SVOP: variants seen among roughly 807,000 people sequenced by gnomAD.
SVOP encodes SV2 related protein, also known as synaptic vesicle 2-related protein.
In SVOP, 17 loss-of-function variants were observed where a neutral mutation model predicts 69.1. That is an observed-to-expected ratio of 0.25 (90% CI 0.17 to 0.37). SVOP has a LOEUF of 0.37. Ranked by LOEUF, SVOP falls within the 10% of genes least tolerant of loss-of-function variation. The pLI, the probability that SVOP is intolerant of heterozygous loss-of-function variation, is 1.00. For missense variants in SVOP, 435 were observed against 597.5 expected, an observed-to-expected ratio of 0.73 and a Z score of 2.84; for synonymous variants, 238 against 238.6, an observed-to-expected ratio of 1.00 and a Z score of 0.02.
intron 1 of SVOP, among the ~76,000 whole-genome samples, chr12:108,995,737 C>G (rs893531543): frequency 6.6e-6 from 1 of 151,886 alleles, no homozygotes; most frequent in African/African-American, 2.4e-5. Flanking sequence ...CCTGTCTCTA[C>G]TGAAAATACA....
chr12:108,949,715 T>A (rs1174121641), intron 6 of SVOP, among the ~76,000 whole-genome samples: 1 of 151,816 alleles, frequency 6.6e-6, no homozygotes, highest in African/African-American at 2.4e-5. Context: ...TTTTTTTTCT[T>A]AACATACACA....
chr12:108,964,069 T>G (rs1195555488), intron 5 of SVOP, among the ~76,000 whole-genome samples: 1 of 152,050 alleles, frequency 6.6e-6, no homozygotes, highest in East Asian at 1.9e-4. Context: ...AGAAAGTTAT[T>G]CAGGTCCGGG....
rs1355097891 is a variant in SVOP at position 108,911,285 on chromosome 12, G to A, written c.*1250C>T. ...GGAATCCTGGTCCCCTGATCCCCAT[G>A]GGATGAGATGGTGGGTGTAGCATCC... On this transcript the variant is annotated 3_prime_UTR_variant, in exon 16 of 16. Transcript: ENST00000610966. 6.6e-6 allele frequency: 1 copy of A among 152,266 alleles called. No homozygotes were observed. The highest frequency in any genetic ancestry group is 1.5e-5 in the Non-Finnish European group (1 of 68,064). 9.4% of individuals were successfully genotyped at this position (152,266 alleles called of 1,614,324 possible).
chr12:108,963,590 C>T (rs560231294), intron 5 of SVOP, among the ~76,000 whole-genome samples: 2 of 152,192 alleles, frequency 1.3e-5, no homozygotes, highest in Non-Finnish European at 2.9e-5. Flanking sequence ...TGGGTTCAAG[C>T]GATTCTCCTG....
intron 8 of SVOP, 25 bp from the exon 9 acceptor site, chr12:108,938,980 C>G: frequency 6.2e-7 from 1 of 1,613,738 alleles, no homozygotes; most frequent in Non-Finnish European, 8.5e-7. Context: ...ACAGGAAACC[C>G]AGGCGTGGCT....
intron 1 of SVOP, among the ~76,000 whole-genome samples, chr12:109,019,873 A>G: frequency 6.6e-6 from 1 of 152,248 alleles, no homozygotes; most frequent in East Asian, 1.9e-4. Context: ...AGTAGATTAT[A>G]GAAAAAAATA....
rs1459739018 is a variant in SVOP, at chr12:109,020,979, C to T, written c.-111G>A. ...AGCTGGACAGCACCCGCGCCGCTTC[C>T]TCCCTGGAGCAGCAGCTGTTCGGGG... On this transcript the variant is annotated 5_prime_UTR_variant, in exon 1 of 16. Coordinates refer to ENST00000610966, the MANE Select transcript of SVOP (RefSeq NM_018711.5). 9 of 630,352 alleles carry T rather than the reference C, an allele frequency of 1.4e-5. No homozygotes were observed. The highest frequency in any genetic ancestry group is 2.4e-5 in the Non-Finnish European group (8 of 339,904). The allele number at this position is 630,352 out of a possible 1,614,324, so 39.0% of individuals were successfully genotyped here.
At chr12:108,997,802 C>T (rs540035924) in intron 1 of SVOP, among the ~76,000 whole-genome samples, 123 of 151,684 alleles carry the variant, frequency 8.1e-4, no homozygotes, top group African/African-American at 2.8e-3. Context: ...ACACCAAAAA[C>T]CCATCTGTAC....
At chr12:108,981,609 C>T (rs2040135613) in intron 2 of SVOP, among the ~76,000 whole-genome samples, 1 of 152,186 alleles carries the variant, frequency 6.6e-6, no homozygotes, top group African/African-American at 2.4e-5. Flanking sequence ...TGGCTAATTC[C>T]TAGCTGTATA....
At chr12:108,935,548 T>A (rs747084235) in intron 10 of SVOP, among the ~76,000 whole-genome samples, 12 of 152,332 alleles carry the variant, frequency 7.9e-5, no homozygotes, top group Middle Eastern at 3.4e-3. Context: ...CTCTTAGGAA[T>A]TCGGGGCAGA....
At chr12:108,931,927 T>C (rs923100552) in intron 11 of SVOP, among the ~76,000 whole-genome samples, 3 of 152,170 alleles carry the variant, frequency 2.0e-5, no homozygotes, top group African/African-American at 7.2e-5. Flanking sequence ...ACATTAGAAT[T>C]ATTGCTCAGG....
At chr12:109,013,496 T>C (rs1179999309) in intron 1 of SVOP, among the ~76,000 whole-genome samples, 2 of 152,076 alleles carry the variant, frequency 1.3e-5, no homozygotes, top group Non-Finnish European at 1.5e-5. Flanking sequence ...GTTCAAGTGA[T>C]TCTTATGCCT....
At position 108,977,482 on chromosome 12, in the gene SVOP, C is replaced by G; in HGVS notation, c.297G>C (p.Met99Ile). 6.5e-7 allele frequency: 1 copy of G among 1,533,456 alleles called. No homozygotes were observed. Among genetic ancestry groups the G allele is most frequent in the Non-Finnish European group, 8.7e-7 (1 of 1,143,480 alleles). The allele number at this position is 1,533,456 out of a possible 1,614,324, so 95.0% of individuals were successfully genotyped here. ...LTGLAWMADA[M>I]EMMILSILAP... ...CCAGGATGCTGAGGATCATCATCTC[C>G]ATGGCATCAGCCATCTGCAGAGAGG... The change falls in exon 4 of 16, where the codon ATG becomes ATC. Residue 99 changes from methionine (M) to isoleucine (I), a missense_variant. Coordinates refer to ENST00000610966, the MANE Select transcript of SVOP (RefSeq NM_018711.5).
chr12:108,976,894 C>T (rs1287802271), intron 4 of SVOP, among the ~76,000 whole-genome samples: 3 of 152,180 alleles, frequency 2.0e-5, no homozygotes, highest in East Asian at 1.9e-4. Context: ...GGATTACAGG[C>T]GTGAGCCACT....
chr12:109,015,822 A>G (rs1261522792), intron 1 of SVOP, among the ~76,000 whole-genome samples: 1 of 152,080 alleles, frequency 6.6e-6, no homozygotes, highest in Non-Finnish European at 1.5e-5. Context: ...AAAAAGTGAA[A>G]TGGGAGGAAG....
intron 13 of SVOP, among the ~76,000 whole-genome samples, chr12:108,919,225 C>A (rs1054147823): frequency 6.6e-5 from 10 of 150,934 alleles, no homozygotes; most frequent in African/African-American, 2.2e-4. Flanking sequence ...ACACCTGAGC[C>A]TCACCCACAC....
chr12:108,914,024 C>T (rs912431754), intron 15 of SVOP, among the ~76,000 whole-genome samples: 5 of 152,208 alleles, frequency 3.3e-5, no homozygotes, highest in East Asian at 1.9e-4. Context: ...CACCTGGCAC[C>T]GTGGAGGCAC....
intron 6 of SVOP, among the ~76,000 whole-genome samples, chr12:108,946,296 C>A (rs1186576219): frequency 1.3e-5 from 2 of 151,494 alleles, no homozygotes; most frequent in African/African-American, 4.9e-5. Context: ...GATGAGGTCT[C>A]ACTATGTTGT....
chr12:108,949,619 A>G (rs1243092787), intron 6 of SVOP, among the ~76,000 whole-genome samples: 1 of 152,064 alleles, frequency 6.6e-6, no homozygotes, highest in Non-Finnish European at 1.5e-5. Flanking sequence ...CATAAATTTA[A>G]CTAACATGCT....
Sources: allele counts gnomAD v4.1 joint callset (sites outside exome capture counted in the v4.1 genomes callset), GRCh38; gene constraint gnomAD v4.1.1; transcripts MANE v1.5; gene names NCBI Gene and HGNC (gene_info 2026-07-23, HGNC 2026-07-21).